The following SKAP1 variants were observed in gnomAD, a reference collection of about 807,000 sequenced individuals.
SKAP1 encodes the protein src kinase-associated phosphoprotein 1.
SKAP1 carries 44 observed loss-of-function variants against 58.5 expected under a neutral mutation model. The ratio of observed to expected loss-of-function variants is 0.75; its 90% CI spans 0.59 to 0.97. The LOEUF (loss-of-function observed/expected upper bound fraction) is 0.97. SKAP1 is among the 50% of genes least tolerant of loss of function. The pLI, the probability that SKAP1 is intolerant of heterozygous loss-of-function variation, is 0.00. For missense variants in SKAP1, 390 were observed against 435.2 expected (o/e 0.90, Z 0.92); for synonymous variants, 127 against 149.7 (o/e 0.85, Z 1.11).
At chr17:48,165,760 A>G (rs1441960843) in intron 10 of SKAP1, among the ~76,000 whole-genome samples, 2 of 152,282 alleles carry the variant, frequency 1.3e-5, no homozygotes, top group East Asian at 1.9e-4. Context: ...GCTTGCCTCT[A>G]TGGGCTGGAT....
At chr17:48,200,892 G>A (rs115241639) in intron 4 of SKAP1, among the ~76,000 whole-genome samples, 62 of 152,244 alleles carry the variant, frequency 4.1e-4, no homozygotes, top group African/African-American at 1.3e-3. Context: ...CAGGGGCCTC[G>A]TACACACAGT....
chr17:48,329,424 G>T (rs2066476709), intron 4 of SKAP1, among the ~76,000 whole-genome samples: 1 of 152,242 alleles, frequency 6.6e-6, no homozygotes, highest in Non-Finnish European at 1.5e-5. Context: ...AATCAACGTG[G>T]CTGGGCGCGG....
chr17:48,266,165 C>G (rs909724678), intron 4 of SKAP1, among the ~76,000 whole-genome samples: 2 of 152,110 alleles, frequency 1.3e-5, no homozygotes, highest in African/African-American at 4.8e-5. Flanking sequence ...TACACACACA[C>G]ACTAGCCTAG....
At chr17:48,368,347 C>T (rs1196774799) in intron 2 of SKAP1, among the ~76,000 whole-genome samples, 2 of 152,160 alleles carry the variant, frequency 1.3e-5, no homozygotes, top group African/African-American at 4.8e-5. Flanking sequence ...CAACATCTTC[C>T]AATTCTTACC....
chr17:48,346,612 G>A (rs890946550), intron 3 of SKAP1, among the ~76,000 whole-genome samples: 8 of 151,008 alleles, frequency 5.3e-5, no homozygotes, highest in Admixed American at 3.9e-4. Context: ...TGACAACAGC[G>A]AGACTCCATC....
At chr17:48,430,612 G>A (rs899454247), upstream of SKAP1, among the ~76,000 whole-genome samples, 3 of 152,160 alleles carry the variant, frequency 2.0e-5, no homozygotes, top group Non-Finnish European at 4.4e-5. Context: ...TCAATTGCCG[G>A]TCCAGTTCAC....
At chr17:48,169,376 T>A (rs574660585) in intron 10 of SKAP1, among the ~76,000 whole-genome samples, 3 of 152,332 alleles carry the variant, frequency 2.0e-5, no homozygotes, top group African/African-American at 7.2e-5. Context: ...TGATGGAAGT[T>A]GGTTGAGAAA....
intron 4 of SKAP1, among the ~76,000 whole-genome samples, chr17:48,337,944 T>A (rs1475231146): frequency 6.6e-6 from 1 of 152,186 alleles, no homozygotes; most frequent in African/African-American, 2.4e-5. Context: ...ATACTGGTTC[T>A]ATCACTTGCT....
intron 2 of SKAP1, among the ~76,000 whole-genome samples, chr17:48,395,147 C>T (rs955438355): frequency 6.6e-6 from 1 of 152,120 alleles, no homozygotes; most frequent in African/African-American, 2.4e-5. Flanking sequence ...CGTGTGTGTT[C>T]ATGCATGTGT....
chr17:48,298,308 T>A (rs866486776), intron 4 of SKAP1, among the ~76,000 whole-genome samples: 1 of 152,204 alleles, frequency 6.6e-6, no homozygotes, highest in Non-Finnish European at 1.5e-5. Flanking sequence ...AGTCAGAAGC[T>A]GCGGGCAAAG....
intron 2 of SKAP1, among the ~76,000 whole-genome samples, chr17:48,369,008 G>C (rs551343121): frequency 6.6e-6 from 1 of 152,038 alleles, no homozygotes; most frequent in Non-Finnish European, 1.5e-5. Context: ...TTAGCTGGGC[G>C]TAGTGGCGCA....
the SKAP1 span, among the ~76,000 whole-genome samples, chr17:48,443,516 C>T: frequency 2.6e-5 from 4 of 152,122 alleles, no homozygotes; most frequent in Non-Finnish European, 4.4e-5. Flanking sequence ...TGCTCTGTCA[C>T]CCAGGCTGGA....
At chr17:48,276,986 T>C (rs958666881) in intron 4 of SKAP1, among the ~76,000 whole-genome samples, 1 of 152,240 alleles carries the variant, frequency 6.6e-6, no homozygotes, top group Non-Finnish European at 1.5e-5. Context: ...GGAAATAGTG[T>C]CTGTGATTAT....
intron 4 of SKAP1, among the ~76,000 whole-genome samples, chr17:48,194,495 G>A (rs182557266): frequency 5.9e-5 from 9 of 152,116 alleles, no homozygotes; most frequent in Admixed American, 3.3e-4. Flanking sequence ...AACCAGCTGC[G>A]TTCTAGCCCA....
At chr17:48,413,764 C>A (rs1308659082) in intron 1 of SKAP1, among the ~76,000 whole-genome samples, 3 of 151,894 alleles carry the variant, frequency 2.0e-5, no homozygotes, top group Non-Finnish European at 1.5e-5. Context: ...ATATAAACAT[C>A]ATGTGCAGTC....
chr17:48,310,459 T>G (rs2066208312), intron 4 of SKAP1, among the ~76,000 whole-genome samples: 2 of 152,206 alleles, frequency 1.3e-5, no homozygotes, highest in African/African-American at 4.8e-5. Context: ...CAAATGAAAC[T>G]AAATTTCTGT....
rs1199915375 is a variant in SKAP1 at position 48,363,834 on chromosome 17, A to G, written c.153-20T>C. ...TAGTACCTGAAATACAAGGGGGAAA[A>G]AAAAAGGGAATAAGTCAAACTTGTA... On this transcript the variant is annotated intron_variant, in intron 2 of 12. Transcript: ENST00000336915. The G allele has an allele frequency of 6.2e-7, 1 of 1,603,624 alleles. No homozygotes were observed. Among genetic ancestry groups the G allele is most frequent in the African/African-American group, 1.3e-5 (1 of 74,604 alleles).
chr17:48,383,650 C>T (rs151164011), intron 2 of SKAP1, among the ~76,000 whole-genome samples: 686 of 152,020 alleles, frequency 4.5e-3, no homozygotes, highest in African/African-American at 0.012. Context: ...TACATCTCTC[C>T]CTGTCAGTCC....
At chr17:48,264,745 A>AACACACAC (rs55733017) in intron 4 of SKAP1, among the ~76,000 whole-genome samples, 8,152 of 142,790 alleles carry the variant, frequency 0.057, 242 homozygotes, top group Admixed American at 0.086. Flanking sequence ...AAATCTACAA[A>AACACACAC]ACACACACAC....
Sources: allele counts gnomAD v4.1 joint callset (sites outside exome capture counted in the v4.1 genomes callset), GRCh38; gene constraint gnomAD v4.1.1; transcripts MANE v1.5; gene names NCBI Gene and HGNC (gene_info 2026-07-23, HGNC 2026-07-21).